The following ZSCAN20 variants were observed in gnomAD, a reference collection of about 807,000 sequenced individuals.
ZSCAN20 encodes the protein zinc finger and SCAN domain containing 20, also known as zinc finger and SCAN domain-containing protein 20.
ZSCAN20 carries 39 observed loss-of-function variants against 97.1 expected under a neutral mutation model. The ratio of observed to expected loss-of-function variants is 0.40; its 90% CI spans 0.31 to 0.52. The LOEUF is 0.52. ZSCAN20 is among the 20% of genes least tolerant of loss of function. The pLI is 0.49. For synonymous variants in ZSCAN20, 456 were observed against 467.3 expected (o/e 0.98, Z 0.31); for missense variants, 1,115 against 1,290.4 (o/e 0.86, Z 2.08).
chr1:33,473,383 A>G (rs903547440), intron 1 of ZSCAN20, among the ~76,000 whole-genome samples: 2 of 152,164 alleles, frequency 1.3e-5, no homozygotes, highest in African/African-American at 4.8e-5. Context: ...GTTTCCCAGC[A>G]TGAACACACA....
At chr1:33,488,386 C>G (rs991845855) in intron 2 of ZSCAN20, 79 bp from the exon 3 acceptor site, 25 of 1,431,498 alleles carry the variant, frequency 1.7e-5, no homozygotes, top group Non-Finnish European at 2.4e-5. Context: ...CTGTTAGCCT[C>G]TGGACTGCAG....
At chr1:33,480,394 C>T (rs781244393) in intron 2 of ZSCAN20, among the ~76,000 whole-genome samples, 3 of 152,204 alleles carry the variant, frequency 2.0e-5, no homozygotes, top group Non-Finnish European at 4.4e-5. Flanking sequence ...CCACAAAGGT[C>T]ATCAGTGAAT....
intron 2 of ZSCAN20, 63 bp from the exon 3 acceptor site, chr1:33,488,402 C>T (rs1383887200): frequency 1.3e-6 from 2 of 1,557,262 alleles, no homozygotes; most frequent in Non-Finnish European, 1.7e-6. Flanking sequence ...TGCAGTTGTA[C>T]TCAAAATACC....
chr1:33,494,173 G>T, intron 7 of ZSCAN20, 45 bp from the exon 8 acceptor site: 1 of 1,509,890 alleles, frequency 6.6e-7, no homozygotes, highest in South Asian at 1.3e-5. Context: ...ACACACACGC[G>T]CGCTAATGAG....
chr1:33,476,246 G>A (rs748403329), intron 1 of ZSCAN20, among the ~76,000 whole-genome samples: 16 of 152,090 alleles, frequency 1.1e-4, no homozygotes, highest in East Asian at 1.9e-4. Context: ...GCTGTTGGCC[G>A]ACTCTGTTGG....
chr1:33,490,189 C>T (rs1652542924), intron 5 of ZSCAN20, among the ~76,000 whole-genome samples: 2 of 152,114 alleles, frequency 1.3e-5, no homozygotes, highest in African/African-American at 4.8e-5. Flanking sequence ...AGTTTAGATA[C>T]CAGAAGCTCG....
At chr1:33,489,322 C>T in intron 4 of ZSCAN20, 131 bp downstream of exon 4, 1 of 1,104,090 alleles carries the variant, frequency 9.1e-7, no homozygotes, top group Non-Finnish European at 1.3e-6. Flanking sequence ...AGCCTTTGCC[C>T]TTCACCCCCA....
rs552890283 is a variant in ZSCAN20, at chr1:33,499,085, G to T, written c.*3609G>T. Among the ~76,000 whole-genome samples, 1 of 152,312 alleles carries T rather than the reference G, an allele frequency of 6.6e-6. No homozygotes were observed. The highest frequency in any genetic ancestry group is 1.5e-5 in the Non-Finnish European group (1 of 68,024). On this transcript the variant is annotated 3_prime_UTR_variant, in exon 8 of 8. Transcript: ENST00000684572. ...TGTAGTCAGGCGCTCTGGGTAGTCC[G>T]TCCTGCCTCATCTTGTTCTGGGGCC...
Position 33,475,577 on chromosome 1 carries a change from G to T in ZSCAN20, c.-111+2886G>T, listed in dbSNP as rs191662132. Among the ~76,000 whole-genome samples, 3 of 152,312 alleles carry T rather than the reference G, an allele frequency of 2.0e-5. No homozygotes were observed. In the East Asian group the frequency reaches 5.8e-4, roughly 29 times the overall value. ...CCTGGTGAATAGCGAAGTCCTAGGT[G>T]CCACCACCACATGCTTATTCTCGAA... On this transcript the variant is annotated intron_variant, in intron 1 of 7. Coordinates refer to ENST00000684572, the MANE Select transcript of ZSCAN20 (RefSeq NM_001377376.1).
intron 2 of ZSCAN20, among the ~76,000 whole-genome samples, chr1:33,487,717 A>G (rs1484471365): frequency 6.6e-6 from 1 of 152,170 alleles, no homozygotes; most frequent in Admixed American, 6.5e-5. Context: ...ATCATAGGTC[A>G]CTGGTACTTC....
rs200848666 is a variant in ZSCAN20, at chr1:33,493,296, G to C, written c.1554G>C (p.Arg518=). 4.2e-5 allele frequency: 68 copies of C among 1,614,054 alleles called. No homozygotes were observed. Among genetic ancestry groups the C allele is most frequent in the Non-Finnish European group, 4.8e-5 (57 of 1,180,032 alleles). Reference sequence around the variant, plus strand: ...GTCACCAGAACAGCCAGGTGTACCGGGCCATTGCAGAGCGGCTGTGTGCTC... The same window carrying C: ...GTCACCAGAACAGCCAGGTGTACCGCGCCATTGCAGAGCGGCTGTGTGCTC... The part of the protein sequence containing the change: ...RTCHQNSQVY[R]AIAERLCALG... The change falls in exon 7 of 8, where the codon CGG becomes CGC. Residue 518 remains arginine (R), a synonymous_variant. Coordinates refer to ENST00000684572, the MANE Select transcript of ZSCAN20 (RefSeq NM_001377376.1). This position sits in a 1 kb window ranked among gnomAD's most constrained non-coding sequence, Gnocchi z 4.3.
Position 33,493,637 on chromosome 1 carries a change from G to A in ZSCAN20, c.1873+22G>A, listed in dbSNP as rs556293580. 3 of 1,526,058 alleles carry A rather than the reference G, an allele frequency of 2.0e-6. No individual in the cohort carries two copies. Among genetic ancestry groups the A allele is most frequent in the Non-Finnish European group, 2.6e-6 (3 of 1,138,176 alleles). The allele number at this position is 1,526,058 out of a possible 1,614,324, so 94.5% of individuals were successfully genotyped here. ...ATGGGTAAGCCTGGAGTAATTGGAT[G>A]TTCTCAAAATCTGTGGGCATGTGGA... On this transcript the variant is annotated intron_variant, in intron 7 of 7. Transcript: ENST00000684572. This position sits in a 1 kb window ranked among gnomAD's most constrained non-coding sequence, Gnocchi z 4.3.
chr1:33,499,972 G>T lies in ZSCAN20; in HGVS notation c.*4496G>T, dbSNP rs982472452. ...CCCCTGCCCCAATCTGCTACAAGGG[G>T]TTAGTGTTCCATGCAGTGGGAGTGC... On this transcript the variant is annotated 3_prime_UTR_variant, in exon 8 of 8. Transcript: ENST00000684572. 6.6e-6 allele frequency among the ~76,000 whole-genome samples: 1 copy of T among 152,128 alleles called. No homozygotes were observed. The highest frequency in any genetic ancestry group is 1.5e-5 in the Non-Finnish European group (1 of 68,032).
Position 33,494,342 on chromosome 1 carries a change from CA to C in ZSCAN20, c.1999del (p.Ser667ValfsTer28), listed in dbSNP as rs1557446169. The C allele has an allele frequency of 6.2e-7, 1 of 1,614,120 alleles. No individual in the cohort carries two copies. The highest frequency in any genetic ancestry group is 1.7e-5 in the Admixed American group (1 of 60,002). On this transcript the variant is annotated frameshift_variant, in exon 8 of 8. Transcript: ENST00000684572. LOFTEE classifies it high-confidence loss of function. ...VCQPLDWGED[S>X]ENENEDEGQW... ...GCCAACCTCTTGACTGGGGAGAAGA[CA>C]GTGAAAATGAAAATGAAGATGAAGG... is the stretch of plus-strand genomic sequence containing the variant.
chr1:33,490,324 A>G (rs756104442), intron 5 of ZSCAN20, among the ~76,000 whole-genome samples: 25 of 152,168 alleles, frequency 1.6e-4, no homozygotes, highest in Non-Finnish European at 3.1e-4. Context: ...AACCCTTTTC[A>G]TCTAGTTTTC....
At chr1:33,494,197 C>T (rs1186379726) in intron 7 of ZSCAN20, 21 bp from the exon 8 acceptor site, 2 of 1,537,576 alleles carry the variant, frequency 1.3e-6, no homozygotes, top group African/African-American at 1.4e-5. Context: ...AGAAAAACTG[C>T]ATTTCTGTCC....
intron 1 of ZSCAN20, among the ~76,000 whole-genome samples, chr1:33,473,388 C>G (rs1651803895): frequency 6.6e-6 from 1 of 152,154 alleles, no homozygotes; most frequent in Non-Finnish European, 1.5e-5. Flanking sequence ...CCAGCATGAA[C>G]ACACACATTG....
rs1225001844 is a variant in ZSCAN20, at chr1:33,493,088, C to A, written c.1445-99C>A. The A allele has an allele frequency of 5.4e-5, 68 of 1,248,776 alleles. No homozygotes were observed. Among genetic ancestry groups the A allele is most frequent in the Non-Finnish European group, 7.3e-5 (65 of 890,136 alleles). The allele number at this position is 1,248,776 out of a possible 1,614,324, so 77.4% of individuals were successfully genotyped here. A position where few individuals can be genotyped will look rare whatever the true frequency, so the allele number is the denominator to read the frequency against. On this transcript the variant is annotated intron_variant, in intron 6 of 7. Transcript: ENST00000684572. This position sits in a 1 kb window ranked among gnomAD's most constrained non-coding sequence, Gnocchi z 4.3. ...GGTACCTGGATAGTTTCTGACATGCCTATGTTCTAGGTATTTTGAAGGGCA... is the reference window on the plus strand; with the variant it reads ...GGTACCTGGATAGTTTCTGACATGCATATGTTCTAGGTATTTTGAAGGGCA...
chr1:33,491,912 T>G lies in ZSCAN20; in HGVS notation c.1444+210T>G, dbSNP rs1261458507. On this transcript the variant is annotated intron_variant, in intron 6 of 7. Transcript: ENST00000684572. This position sits in a 1 kb window ranked among gnomAD's most constrained non-coding sequence, Gnocchi z 4.3. Reference sequence around the variant, plus strand: ...TCTTCTTAGTTATAGAAGCAAACATTTTTAAAGCCTTAAGGGGCCTCAAAG... The same window carrying G: ...TCTTCTTAGTTATAGAAGCAAACATGTTTAAAGCCTTAAGGGGCCTCAAAG... 2.2e-6 allele frequency: 1 copy of G among 458,742 alleles called. No individual in the cohort carries two copies. The highest frequency in any genetic ancestry group is 2.0e-5 in the African/African-American group (1 of 50,488). The allele number at this position is 458,742 out of a possible 1,614,324, so 28.4% of individuals were successfully genotyped here. A position where few individuals can be genotyped will look rare whatever the true frequency, so the allele number is the denominator to read the frequency against.
Sources: gnomAD v4.1 joint callset for allele counts (sites outside exome capture counted in the v4.1 genomes callset) on GRCh38, gnomAD v4.1.1 for gene constraint, Gnocchi (gnomAD v3.1) non-coding constraint, MANE v1.5 for transcripts, NCBI Gene and HGNC (gene_info 2026-07-23, HGNC 2026-07-21) for gene names.